Variants in MDGA2 observed in about 807,000 individuals in gnomAD.
MDGA2 encodes the protein MAM domain-containing glycosylphosphatidylinositol anchor protein 2.
MDGA2 carries 40 observed loss-of-function variants against 117.8 expected under a neutral mutation model. That is an observed-to-expected ratio of 0.34 (90% confidence interval 0.26 to 0.44). The LOEUF is 0.44. Ranked by LOEUF, MDGA2 falls within the 20% of genes least tolerant of loss-of-function variation. The probability of loss-of-function intolerance (pLI) is 1.00; values close to 1 mark genes in which losing one functional copy is unlikely to be tolerated. For synonymous variants in MDGA2, 452 were observed against 439.0 expected (o/e 1.03, Z -0.37); for missense variants, 1,123 against 1,250.6 (o/e 0.90, Z 1.54).
chr14:47,404,688 C>G (rs1892225522), intron 1 of MDGA2, among the ~76,000 whole-genome samples: 1 of 151,836 alleles, frequency 6.6e-6, no homozygotes. Flanking sequence ...GAGATAGGGT[C>G]TCACTATGTT....
At position 47,153,723 on chromosome 14, in the gene MDGA2, A is replaced by C. The variant is rs563762951; in HGVS notation, c.596-9449T>G. 5.9e-4 allele frequency among the ~76,000 whole-genome samples: 90 copies of C among 152,036 alleles called. 1 individual carries two copies. The highest frequency in any genetic ancestry group is 2.0e-3 in the African/African-American group (84 of 41,516). On this transcript the variant is annotated intron_variant, in intron 3 of 16. Coordinates refer to ENST00000399232, the MANE Select transcript of MDGA2 (RefSeq NM_001113498.3). ...AAGAAAAGAAATAAAAAAAAAAAAAAAACAGTTGGGCGGGAGGGCTTTGTA... is the reference window on the plus strand; with the variant it reads ...AAGAAAAGAAATAAAAAAAAAAAAACAACAGTTGGGCGGGAGGGCTTTGTA...
intron 1 of MDGA2, among the ~76,000 whole-genome samples, chr14:47,658,249 G>C (rs2138285107): frequency 6.6e-6 from 1 of 152,228 alleles, no homozygotes; most frequent in East Asian, 1.9e-4. Flanking sequence ...CAGGGGAGAA[G>C]AACTCTGGCA....
intron 1 of MDGA2, among the ~76,000 whole-genome samples, chr14:47,565,527 C>T (rs889804919): frequency 3.9e-5 from 6 of 152,196 alleles, no homozygotes; most frequent in African/African-American, 1.4e-4. Flanking sequence ...AGTGAGTCCG[C>T]ATTCCCAAAC....
At chr14:47,192,633 T>C (rs1885157628) in intron 3 of MDGA2, among the ~76,000 whole-genome samples, 1 of 151,646 alleles carries the variant, frequency 6.6e-6, no homozygotes, top group Admixed American at 6.6e-5. Context: ...ATAAAATAAA[T>C]AAATAAAAAT....
intron 1 of MDGA2, among the ~76,000 whole-genome samples, chr14:47,603,978 C>A (rs982759678): frequency 3.3e-5 from 5 of 152,176 alleles, no homozygotes; most frequent in African/African-American, 7.2e-5. Flanking sequence ...TAGGTAAAAG[C>A]TTCCTTGAGG....
intron 5 of MDGA2, among the ~76,000 whole-genome samples, chr14:47,117,052 T>C (rs1238589526): frequency 6.7e-6 from 1 of 149,614 alleles, no homozygotes; most frequent in African/African-American, 2.4e-5. Context: ...CAAAACTCAA[T>C]AGCAAAAAAC....
In MDGA2 at chr14:47,359,748, CAA is replaced by C. The variant is rs71448198; in HGVS notation, c.281-58200_281-58199del. Reference sequence around the variant, plus strand: ...CCTGGACTGCAGAGCAAGACTGTCTCAAAAAAAAAAAAAAAAAAGAAAAGAAA... The same window carrying C: ...CCTGGACTGCAGAGCAAGACTGTCTCAAAAAAAAAAAAAAAAGAAAAGAAA... On this transcript the variant is annotated intron_variant, in intron 1 of 16. Coordinates refer to ENST00000399232, the MANE Select transcript of MDGA2 (RefSeq NM_001113498.3). Among the ~76,000 whole-genome samples the C allele has an allele frequency of 2.5e-3, 278 of 110,754 alleles. 2 individuals are homozygous for C. The highest frequency in any genetic ancestry group is 8.5e-3 in the African/African-American group (241 of 28,338). The allele number at this position is 110,754 out of a possible 152,430, so 72.7% of individuals were successfully genotyped here.
At chr14:47,261,771 GA>G (rs1206299898) in intron 2 of MDGA2, among the ~76,000 whole-genome samples, 1 of 152,130 alleles carries the variant, frequency 6.6e-6, no homozygotes, top group Non-Finnish European at 1.5e-5. Flanking sequence ...TTCCTTAAAT[GA>G]GGGCCTCCTT....
At chr14:47,252,569 CTA>C (rs1172592636) in intron 2 of MDGA2, among the ~76,000 whole-genome samples, 15 of 152,080 alleles carry the variant, frequency 9.9e-5, no homozygotes, top group Admixed American at 7.9e-4. Context: ...TGTTAATTTA[CTA>C]TGTTTTTACT....
At chr14:47,484,101 TG>T in intron 1 of MDGA2, among the ~76,000 whole-genome samples, 1 of 152,332 alleles carries the variant, frequency 6.6e-6, no homozygotes, top group East Asian at 1.9e-4. Flanking sequence ...AGTAGGTATA[TG>T]GCTACATGCA....
chr14:47,572,661 A>G (rs2138824021), intron 1 of MDGA2, among the ~76,000 whole-genome samples: 1 of 152,222 alleles, frequency 6.6e-6, no homozygotes, highest in African/African-American at 2.4e-5. Context: ...TCTGGGAGGA[A>G]CTCTCTACCT....
intron 1 of MDGA2, among the ~76,000 whole-genome samples, chr14:47,505,623 T>G (rs920719397): frequency 6.6e-6 from 1 of 152,194 alleles, no homozygotes; most frequent in Admixed American, 6.5e-5. Context: ...ACTATTTTTA[T>G]GTCATTATTT....
At chr14:47,095,064 T>A (rs1879884072) in intron 6 of MDGA2, among the ~76,000 whole-genome samples, 1 of 152,088 alleles carries the variant, frequency 6.6e-6, no homozygotes. Flanking sequence ...AGACATTTAG[T>A]CACTGATCTT....
At chr14:46,883,180 G>A (rs578094257) in intron 10 of MDGA2, among the ~76,000 whole-genome samples, 4 of 151,998 alleles carry the variant, frequency 2.6e-5, no homozygotes, top group African/African-American at 7.2e-5. Context: ...TATACAAACC[G>A]AATTCATAAA....
intron 2 of MDGA2, among the ~76,000 whole-genome samples, chr14:47,264,366 G>C (rs928175043): frequency 3.3e-5 from 5 of 152,058 alleles, no homozygotes; most frequent in Non-Finnish European, 7.4e-5. Flanking sequence ...TAAAAGTATT[G>C]GGTTGACTGC....
At chr14:47,294,103 C>CT (rs35698427) in intron 2 of MDGA2, among the ~76,000 whole-genome samples, 2,022 of 99,058 alleles carry the variant, frequency 0.02, 39 homozygotes, top group African/African-American at 0.029. Context: ...ATATGGCAAT[C>CT]TTTTTTTTTT....
At chr14:47,012,005 T>C (rs1481058981) in intron 8 of MDGA2, among the ~76,000 whole-genome samples, 3 of 152,154 alleles carry the variant, frequency 2.0e-5, no homozygotes, top group Non-Finnish European at 4.4e-5. Context: ...AATTGTGTCA[T>C]CGTTAGCTTT....
At chr14:47,448,691 T>C (rs892323881) in intron 1 of MDGA2, among the ~76,000 whole-genome samples, 1 of 152,126 alleles carries the variant, frequency 6.6e-6, no homozygotes, top group African/African-American at 2.4e-5. Flanking sequence ...TAATAGTAAA[T>C]AAAGTGTCTT....
At chr14:47,527,396 G>A (rs559996580) in intron 1 of MDGA2, among the ~76,000 whole-genome samples, 1 of 152,132 alleles carries the variant, frequency 6.6e-6, no homozygotes, top group Non-Finnish European at 1.5e-5. Flanking sequence ...AAAGAAAGGA[G>A]GATGGAAGGA....
Sources: gnomAD v4.1 joint callset for allele counts (sites outside exome capture counted in the v4.1 genomes callset) on GRCh38, gnomAD v4.1.1 for gene constraint, MANE v1.5 for transcripts, NCBI Gene and HGNC (gene_info 2026-07-23, HGNC 2026-07-21) for gene names.